BIN2: variants seen among roughly 807,000 people sequenced by gnomAD.
The protein encoded by BIN2 is breast cancer associated protein BRAP1.
In BIN2, 43 loss-of-function variants were observed where a neutral mutation model predicts 67.9. The observed-to-expected ratio is 0.63, with a 90% confidence interval of 0.50 to 0.82. The LOEUF (loss-of-function observed/expected upper bound fraction) is 0.82, where lower values mean the gene tolerates loss of function less well. Ranked by LOEUF, BIN2 falls within the 40% of genes least tolerant of loss-of-function variation. The pLI is 0.00. For synonymous variants in BIN2, 244 were observed against 246.8 expected (o/e 0.99, Z 0.11); for missense variants, 581 against 671.6 (o/e 0.87, Z 1.49).
chr12:51,324,043 C>T lies in BIN2; in HGVS notation c.60G>A (p.Lys20=). ...AGLFAKQVQK[K]FSRAQEKVLQ... ...CTACCTTCTCCTGGGCCCTGCTAAA[C>T]TTCTTCTGCACCTGCTTGGCGAAGA... Residue 20 remains lysine (K), a synonymous_variant, in exon 1 of 13, where the codon AAG becomes AAA. Transcript: ENST00000615107. 2 of 1,613,614 alleles carry T rather than the reference C, an allele frequency of 1.2e-6. No individual in the cohort carries two copies. Among genetic ancestry groups the T allele is most frequent in the Middle Eastern group, 1.7e-4 (1 of 6,052 alleles).
chr12:51,287,110 G>A (rs1240771141), intron 11 of BIN2, among the ~76,000 whole-genome samples: 1 of 151,036 alleles, frequency 6.6e-6, no homozygotes, highest in African/African-American at 2.4e-5. Context: ...AGCCACCTTG[G>A]GAGGTTGAGG....
chr12:51,281,334 G>A lies in BIN2; in HGVS notation c.*165C>T, dbSNP rs1945115225. The stretch of plus-strand genomic sequence containing the variant: ...CTGCCTCCCTCCATCCCTCCCGTAA[G>A]GCTGCTCCTCCGCCTCCATTAATGC... On this transcript the variant is annotated 3_prime_UTR_variant, in exon 13 of 13. Coordinates refer to ENST00000615107, the MANE Select transcript of BIN2 (RefSeq NM_016293.4). 1.5e-6 allele frequency: 1 copy of A among 684,486 alleles called. No individual in the cohort carries two copies. Among genetic ancestry groups the A allele is most frequent in the Middle Eastern group, 3.4e-4 (1 of 2,910 alleles). The allele number at this position is 684,486 out of a possible 1,614,324, so 42.4% of individuals were successfully genotyped here.
Position 51,291,729 on chromosome 12 carries a change from A to G in BIN2, c.1377T>C (p.Pro459=). The change falls in exon 10 of 13, where the codon CCT becomes CCC. Residue 459 remains proline (P), a synonymous_variant. Coordinates refer to ENST00000615107, the MANE Select transcript of BIN2 (RefSeq NM_016293.4). ...TAGGAGAGACCTCTAGGGAGGTCCT[A>G]GGACTTGCAGTCCCAGTCCCCAAGG... ...RASLGTGTAS[P]RTSLEVSPNP... 6.2e-7 allele frequency: 1 copy of G among 1,613,628 alleles called. No homozygotes were observed. Among genetic ancestry groups the G allele is most frequent in the Non-Finnish European group, 8.5e-7 (1 of 1,179,708 alleles).
chr12:51,321,163 G>C (rs1475114774), intron 1 of BIN2, among the ~76,000 whole-genome samples: 1 of 152,148 alleles, frequency 6.6e-6, no homozygotes, highest in African/African-American at 2.4e-5. Context: ...AAGTGGGGGA[G>C]GCACAGATGT....
chr12:51,297,180 A>C lies in BIN2; in HGVS notation c.603-16T>G. On this transcript the variant is annotated splice_polypyrimidine_tract_variant and intron_variant, in intron 7 of 12. Coordinates refer to ENST00000615107, the MANE Select transcript of BIN2 (RefSeq NM_016293.4). ...GCCAATACGACTATTAGGAAGCAAA[A>C]CCACAAACACATACGAGTAAGGCAT... 6.2e-7 allele frequency: 1 copy of C among 1,605,798 alleles called. No homozygotes were observed. The highest frequency in any genetic ancestry group is 1.1e-5 in the South Asian group (1 of 90,896).
chr12:51,311,574 T>A (rs943695710), intron 2 of BIN2, among the ~76,000 whole-genome samples: 3 of 151,964 alleles, frequency 2.0e-5, no homozygotes, highest in Admixed American at 2.0e-4. Flanking sequence ...AGAGACGGGA[T>A]CTTGCTATGT....
chr12:51,316,645 A>G (rs555909726), intron 1 of BIN2, among the ~76,000 whole-genome samples: 1 of 152,128 alleles, frequency 6.6e-6, no homozygotes, highest in Non-Finnish European at 1.5e-5. Flanking sequence ...AGTTTCCCAA[A>G]TAACCCACAC....
intron 9 of BIN2, among the ~76,000 whole-genome samples, chr12:51,292,669 C>G (rs992805227): frequency 1.3e-5 from 2 of 152,182 alleles, no homozygotes; most frequent in African/African-American, 4.8e-5. Context: ...GAATTACCTA[C>G]TTATTTATTT....
Position 51,287,697 on chromosome 12 carries a change from G to A in BIN2, c.1596+411C>T, listed in dbSNP as rs544599842. ...GACGGAGTCTCGCTCTGTCACCCAG[G>A]CTGGAGTGCAGTGGCGCAATCTCGG... is the stretch of plus-strand genomic sequence containing the variant. On this transcript the variant is annotated intron_variant, in intron 11 of 12. Transcript: ENST00000615107. Among the ~76,000 whole-genome samples the A allele has an allele frequency of 2.0e-5, 3 of 150,226 alleles. No homozygotes were observed. The South Asian group carries it at 6.3e-4, about 32-fold the overall frequency.
intron 1 of BIN2, among the ~76,000 whole-genome samples, chr12:51,317,098 A>C (rs1346691597): frequency 1.3e-5 from 2 of 151,918 alleles, no homozygotes; most frequent in African/African-American, 4.8e-5. Flanking sequence ...CTGCTCTCGA[A>C]TTCCCGACCT....
intron 1 of BIN2, chr12:51,322,762 G>T (rs1044713944): frequency 3.3e-5 from 5 of 151,140 alleles, no homozygotes; most frequent in African/African-American, 1.2e-4. Flanking sequence ...GTGAAGTTAG[G>T]GTAAGTGAAG....
At chr12:51,286,979 G>A (rs553192619) in intron 11 of BIN2, among the ~76,000 whole-genome samples, 88 of 151,606 alleles carry the variant, frequency 5.8e-4, no homozygotes, top group Middle Eastern at 6.8e-3. Context: ...GTGACACTAC[G>A]CCTGGCTAAT....
At chr12:51,318,531 A>G (rs1946189515) in intron 1 of BIN2, among the ~76,000 whole-genome samples, 1 of 152,166 alleles carries the variant, frequency 6.6e-6, no homozygotes, top group South Asian at 2.1e-4. Flanking sequence ...CAGTGTTGGA[A>G]TTATAGGCGT....
intron 2 of BIN2, among the ~76,000 whole-genome samples, chr12:51,304,886 G>A (rs978973188): frequency 1.6e-4 from 24 of 151,740 alleles, no homozygotes; most frequent in African/African-American, 5.6e-4. Context: ...GTGTGGTGGC[G>A]GGCACCTGTA....
At chr12:51,297,190 C>T in intron 7 of BIN2, 26 bp from the exon 8 acceptor site, 26 of 1,594,530 alleles carry the variant, frequency 1.6e-5, no homozygotes, top group Non-Finnish European at 2.2e-5. Flanking sequence ...ACCACAAACA[C>T]ATACGAGTAA....
intron 1 of BIN2, among the ~76,000 whole-genome samples, chr12:51,320,936 A>AACAC (rs1555173084): frequency 1.4e-5 from 2 of 138,748 alleles, no homozygotes; most frequent in East Asian, 2.1e-4. Flanking sequence ...TCATACTAAA[A>AACAC]ACACACACAC....
chr12:51,308,948 G>A (rs945738652), intron 2 of BIN2, among the ~76,000 whole-genome samples: 7 of 151,816 alleles, frequency 4.6e-5, no homozygotes, highest in Admixed American at 1.3e-4. Flanking sequence ...GTGAAACCCC[G>A]TCTCTACTAA....
At chr12:51,320,726 C>A (rs1946249210) in intron 1 of BIN2, among the ~76,000 whole-genome samples, 1 of 151,164 alleles carries the variant, frequency 6.6e-6, no homozygotes. Context: ...CAGCCCAGTA[C>A]CCTGAACAAA....
At chr12:51,298,794 C>T (rs1050116995) in intron 7 of BIN2, among the ~76,000 whole-genome samples, 8 of 151,916 alleles carry the variant, frequency 5.3e-5, no homozygotes, top group African/African-American at 1.4e-4. Flanking sequence ...TCTGGCTGGG[C>T]ATGGTGGCTC....
Sources: gnomAD v4.1 joint callset for allele counts (sites outside exome capture counted in the v4.1 genomes callset) on GRCh38, gnomAD v4.1.1 for gene constraint, MANE v1.5 for transcripts, NCBI Gene and HGNC (gene_info 2026-07-23, HGNC 2026-07-21) for gene names.